The following ALPK3 variants were observed in gnomAD, a reference collection of about 807,000 sequenced individuals.
The protein encoded by ALPK3 is alpha kinase 3.
Under a neutral mutation model 140.0 loss-of-function variants are expected in ALPK3, and 102 were observed. That is an observed-to-expected ratio of 0.73 (90% CI 0.62 to 0.86). ALPK3 has a LOEUF of 0.86. ALPK3 is among the 40% of genes least tolerant of loss of function. The pLI, the probability that ALPK3 is intolerant of heterozygous loss-of-function variation, is 0.00. For synonymous variants in ALPK3, 938 were observed against 898.5 expected, an observed-to-expected ratio of 1.04 and a Z score of -0.79; for missense variants, 2,254 against 2,208.2, an observed-to-expected ratio of 1.02 and a Z score of -0.42.
chr15:84,868,118 G>A lies in ALPK3; in HGVS notation c.4780G>A (p.Gly1594Ser), dbSNP rs956908068. The A allele has an allele frequency of 1.9e-6, 3 of 1,609,024 alleles. No homozygotes were observed. The highest frequency in any genetic ancestry group is 2.7e-5 in the African/African-American group (2 of 74,774). Residue 1594 changes from glycine to serine, a missense_variant, in exon 14 of 14, where the codon GGC becomes AGC. Gly to Ser is a moderately conservative substitution (Grantham distance 56). Coordinates refer to ENST00000258888, the MANE Select transcript of ALPK3 (RefSeq NM_020778.5). ...QIATKLRGYQGLKESCFPALL... is the reference protein window; with the variant it reads ...QIATKLRGYQSLKESCFPALL... ...CTTCCTGTCTGGCTGCAGATACCAG[G>A]GCCTCAAGGAAAGCTGCTTCCCTGC...
chr15:84,858,328 G>A lies in ALPK3; in HGVS notation c.3590G>A (p.Arg1197Lys). 6.4e-7 allele frequency: 1 copy of A among 1,560,048 alleles called. No homozygotes were observed. The highest frequency in any genetic ancestry group is 8.7e-7 in the Non-Finnish European group (1 of 1,152,392). Residue 1197 changes from arginine (R) to lysine (K), a missense_variant, in exon 6 of 14, where the codon AGG becomes AAG. By Grantham distance (26) the Arg-to-Lys change is conservative. Transcript: ENST00000258888. Reference sequence around the variant, plus strand: ...CCCACGGTTTCCCCCCGGGGGCCCAGGAAAAGCCTGGTGCCTGGGTCCCCA... The same window carrying A: ...CCCACGGTTTCCCCCCGGGGGCCCAAGAAAAGCCTGGTGCCTGGGTCCCCA... ...ESPTVSPRGP[R>K]KSLVPGSPGT...
At chr15:84,833,874 A>G (rs1469311107) in intron 3 of ALPK3, among the ~76,000 whole-genome samples, 1 of 151,916 alleles carries the variant, frequency 6.6e-6, no homozygotes, top group Admixed American at 6.5e-5. Flanking sequence ...CCAGAGTGCT[A>G]CTGTCTTCCT....
chr15:84,867,036 A>G (rs1964010470), intron 12 of ALPK3, among the ~76,000 whole-genome samples: 1 of 152,092 alleles, frequency 6.6e-6, no homozygotes, highest in Non-Finnish European at 1.5e-5. Flanking sequence ...CTCTGAGCCT[A>G]TCCTCCTCAC....
rs1964055393 is a variant in ALPK3 at position 84,870,391 on chromosome 15, T to G, written c.*1935T>G. Reference sequence around the variant, plus strand: ...ACCCACTCATTCAGCAGACATATACTGAGTGCTACTTTATGCCAGACCCTG... The same window carrying G: ...ACCCACTCATTCAGCAGACATATACGGAGTGCTACTTTATGCCAGACCCTG... On this transcript the variant is annotated 3_prime_UTR_variant, in exon 14 of 14. Coordinates refer to ENST00000258888, the MANE Select transcript of ALPK3 (RefSeq NM_020778.5). 1 of 152,222 alleles carries G rather than the reference T, an allele frequency of 6.6e-6. No individual in the cohort carries two copies. Among genetic ancestry groups the G allele is most frequent in the Admixed American group, 6.5e-5 (1 of 15,276 alleles). The allele number at this position is 152,222 out of a possible 1,614,324, so 9.4% of individuals were successfully genotyped here. A position where few individuals can be genotyped will look rare whatever the true frequency, so the allele number is the denominator to read the frequency against.
At position 84,868,369 on chromosome 15, in the gene ALPK3, C is replaced by A. The variant is rs201667275; in HGVS notation, c.5031C>A (p.Thr1677=). ...TRKSAPSSKA[T]PQASEPVTTQ... ...AGAGTGCTCCAAGTTCCAAGGCCAC[C>A]CCTCAGGCCTCAGAGCCAGTCACCA... Residue 1677 remains threonine (T), a synonymous_variant, in exon 14 of 14, where the codon ACC becomes ACA. Transcript: ENST00000258888. The A allele has an allele frequency of 1.2e-6, 2 of 1,613,912 alleles. No individual in the cohort carries two copies. The highest frequency in any genetic ancestry group is 1.7e-6 in the Non-Finnish European group (2 of 1,180,030).
In ALPK3 at chr15:84,839,959, T is replaced by G; in HGVS notation, c.680T>G (p.Leu227Trp). The change falls in exon 5 of 14, where the codon TTG becomes TGG. Residue 227 changes from leucine (L) to tryptophan (W), a missense_variant. Leu to Trp is a moderately conservative substitution (Grantham distance 61). Around this residue, in one of 3 missense-constraint regions of ALPK3, gnomAD observed 2,088 missense variants for 2,022.9 expected, o/e 1.03. Coordinates refer to ENST00000258888, the MANE Select transcript of ALPK3 (RefSeq NM_020778.5). ...SPDRFQRKRR[L>W]SGAQAPGPSV... ...GACCGCTTCCAGCGAAAGCGGCGAT[T>G]GAGCGGGGCTCAAGCGCCGGGCCCC... is the stretch of plus-strand genomic sequence containing the variant. The G allele has an allele frequency of 6.2e-7, 1 of 1,613,212 alleles. No homozygotes were observed.
At chr15:84,864,325 T>C (rs949402570) in intron 11 of ALPK3, 117 bp from the exon 12 acceptor site, 89 of 1,089,916 alleles carry the variant, frequency 8.2e-5, no homozygotes, top group South Asian at 1.7e-4. Context: ...GGCTCGGAGC[T>C]GAGAATTACA....
At chr15:84,859,736 C>T (rs1963919193) in intron 7 of ALPK3, 40 bp from the exon 8 acceptor site, 3 of 1,584,694 alleles carry the variant, frequency 1.9e-6, no homozygotes, top group Non-Finnish European at 2.6e-6. Context: ...CAGTCTGCCC[C>T]CATGCCATGG....
chr15:84,834,316 A>G (rs943519074), intron 3 of ALPK3, among the ~76,000 whole-genome samples: 2 of 152,190 alleles, frequency 1.3e-5, no homozygotes, highest in African/African-American at 4.8e-5. Flanking sequence ...CTGTGTTATA[A>G]AAGAGAGAGA....
At chr15:84,833,822 T>C (rs1280561752) in intron 3 of ALPK3, among the ~76,000 whole-genome samples, 1 of 152,140 alleles carries the variant, frequency 6.6e-6, no homozygotes, top group East Asian at 1.9e-4. Context: ...GGGAAGATAG[T>C]GGGCCTCCGC....
chr15:84,819,796 C>A (rs1963402875), intron 1 of ALPK3, among the ~76,000 whole-genome samples: 1 of 152,212 alleles, frequency 6.6e-6, no homozygotes, highest in Admixed American at 6.5e-5. Flanking sequence ...TCATGGAGCT[C>A]TCCAGGCATC....
chr15:84,843,111 A>T (rs564561235), intron 5 of ALPK3, among the ~76,000 whole-genome samples: 2 of 152,258 alleles, frequency 1.3e-5, no homozygotes, highest in South Asian at 4.1e-4. Flanking sequence ...AGGTAGGAGG[A>T]GGGGCTCAGG....
chr15:84,863,435 G>A lies in ALPK3; in HGVS notation c.4411-117G>A, dbSNP rs1027021998. 7.1e-6 allele frequency: 6 copies of A among 840,114 alleles called. No individual in the cohort carries two copies. In the African/African-American group the frequency reaches 8.6e-5, roughly 12 times the overall value. 52.0% of individuals were successfully genotyped at this position (840,114 alleles called of 1,614,324 possible). ...GAGGAGTAAGCCCTTCCTCCCCCAGGGCTGGAATCCTCCTCTCAGTCCCCT... is the reference window on the plus strand; with the variant it reads ...GAGGAGTAAGCCCTTCCTCCCCCAGAGCTGGAATCCTCCTCTCAGTCCCCT... On this transcript the variant is annotated intron_variant, in intron 10 of 13. Coordinates refer to ENST00000258888, the MANE Select transcript of ALPK3 (RefSeq NM_020778.5).
rs1205630930 is a variant in ALPK3, at chr15:84,869,143, G to A, written c.*687G>A. On this transcript the variant is annotated 3_prime_UTR_variant, in exon 14 of 14. Coordinates refer to ENST00000258888, the MANE Select transcript of ALPK3 (RefSeq NM_020778.5). ...TTCCCATGCTCCCTTGTACCCCCTCGCCACATCCCTGTCTTGGGGCCCAGC... is the reference window on the plus strand; with the variant it reads ...TTCCCATGCTCCCTTGTACCCCCTCACCACATCCCTGTCTTGGGGCCCAGC... The A allele has an allele frequency of 1.3e-5, 2 of 153,372 alleles. No homozygotes were observed. Among genetic ancestry groups the A allele is most frequent in the Non-Finnish European group, 2.9e-5 (2 of 69,116 alleles). The allele number at this position is 153,372 out of a possible 1,614,324, so 9.5% of individuals were successfully genotyped here. A position where few individuals can be genotyped will look rare whatever the true frequency, so the allele number is the denominator to read the frequency against.
chr15:84,834,531 A>G (rs1215368921), intron 3 of ALPK3, among the ~76,000 whole-genome samples: 2 of 152,244 alleles, frequency 1.3e-5, no homozygotes, highest in Non-Finnish European at 2.9e-5. Flanking sequence ...AATGTTGGCA[A>G]TCATTTGCAC....
chr15:84,861,226 T>G (rs1435840018), intron 9 of ALPK3, among the ~76,000 whole-genome samples: 1 of 152,242 alleles, frequency 6.6e-6, no homozygotes, highest in Admixed American at 6.5e-5. Context: ...TTTCTTCCTT[T>G]GCCATATGTT....
rs766430032 is a variant in ALPK3, at chr15:84,864,693, C to T, written c.4723+28C>T. The T allele has an allele frequency of 3.1e-5, 49 of 1,601,030 alleles. 1 individual carries two copies. Among genetic ancestry groups the T allele is most frequent in the South Asian group, 1.9e-4 (17 of 90,642 alleles). ...ACGAGGGTGTGAGGGTGCACGGGTA[C>T]GCATGTGCATGGATGTGAAAGCATG... On this transcript the variant is annotated intron_variant, in intron 12 of 13. Coordinates refer to ENST00000258888, the MANE Select transcript of ALPK3 (RefSeq NM_020778.5).
chr15:84,834,690 G>C (rs943608286), intron 3 of ALPK3, among the ~76,000 whole-genome samples: 1 of 152,256 alleles, frequency 6.6e-6, no homozygotes, highest in Non-Finnish European at 1.5e-5. Context: ...GGGTTCTTGA[G>C]TCAGGTCTGC....
At chr15:84,828,772 T>C (rs1250694447) in intron 3 of ALPK3, among the ~76,000 whole-genome samples, 1 of 152,186 alleles carries the variant, frequency 6.6e-6, no homozygotes, top group African/African-American at 2.4e-5. Flanking sequence ...GTAAGTGCTA[T>C]TTTTAGTCAA....
Sources: gnomAD v4.1 joint callset for allele counts (sites outside exome capture counted in the v4.1 genomes callset) on GRCh38, gnomAD v4.1.1 for gene constraint, gnomAD v4.1.1 regional missense constraint, MANE v1.5 for transcripts, NCBI Gene and HGNC (gene_info 2026-07-23, HGNC 2026-07-21) for gene names.